The following IMPDH1 variants were observed in gnomAD, a reference collection of about 807,000 sequenced individuals.
IMPDH1 encodes the protein inosine-5'-monophosphate dehydrogenase 1.
Under a neutral mutation model 73.5 loss-of-function variants are expected in IMPDH1, and 41 were observed. The ratio of observed to expected loss-of-function variants is 0.56; its 90% CI spans 0.43 to 0.72. The LOEUF (loss-of-function observed/expected upper bound fraction) is 0.72, where lower values mean the gene tolerates loss of function less well. Ranked by LOEUF, IMPDH1 falls within the 30% of genes least tolerant of loss-of-function variation. The pLI is 0.00. For synonymous variants in IMPDH1, 318 were observed against 334.3 expected (o/e 0.95, Z 0.53); for missense variants, 645 against 824.8 (o/e 0.78, Z 2.67).
In IMPDH1 at chr7:128,405,902, C is replaced by G. The variant is rs1798702991; in HGVS notation, c.255-37G>C. ...CCCCGCGACCCGACATAAACACCCG[C>G]GCGGCCGCCCGCCGCTGCCGCCGCT... is the stretch of plus-strand genomic sequence containing the variant. On this transcript the variant is annotated intron_variant, in intron 3 of 16. Transcript: ENST00000338791. 3 of 1,469,692 alleles carry G rather than the reference C, an allele frequency of 2.0e-6. No individual in the cohort carries two copies. The East Asian group carries it at 8.9e-5, about 44-fold the overall frequency. 91.0% of individuals were successfully genotyped at this position (1,469,692 alleles called of 1,614,324 possible). A position where few individuals can be genotyped will look rare whatever the true frequency, so the allele number is the denominator to read the frequency against.
At position 128,409,977 on chromosome 7, in the gene IMPDH1, T is replaced by G. The variant is rs1249810133; in HGVS notation, c.-76A>C. 4.0e-6 allele frequency: 5 copies of G among 1,251,124 alleles called. No homozygotes were observed. In the African/African-American group the frequency reaches 4.7e-5, roughly 12 times the overall value. 77.5% of individuals were successfully genotyped at this position (1,251,124 alleles called of 1,614,324 possible). On this transcript the variant is annotated 5_prime_UTR_variant, in exon 1 of 17. Coordinates refer to ENST00000338791, the MANE Select transcript of IMPDH1 (RefSeq NM_000883.4). ...CGGCTGGGCAGTGAGCGCAGCCCGG[T>G]CGAGTCCCGAGGAGGGGCGGGGCCG...
chr7:128,405,681 C>A (rs2116714949), intron 4 of IMPDH1, 86 bp downstream of exon 4: 1 of 1,471,654 alleles, frequency 6.8e-7, no homozygotes, highest in South Asian at 1.3e-5. Context: ...GCAGGGAACG[C>A]CGGGGGAGCC....
chr7:128,405,541 C>T (rs920397121), intron 4 of IMPDH1, among the ~76,000 whole-genome samples: 1 of 152,212 alleles, frequency 6.6e-6, no homozygotes, highest in Admixed American at 6.5e-5. Flanking sequence ...AGGCCGAACC[C>T]GGATCTGGCC....
rs147882304 is a variant in IMPDH1 at position 128,394,497 on chromosome 7, G to A, written c.1653C>T (p.His551=). The change falls in exon 15 of 17, where the codon CAC becomes CAT. Residue 551 remains histidine, a synonymous_variant. Coordinates refer to ENST00000338791, the MANE Select transcript of IMPDH1 (RefSeq NM_000883.4). This position sits in a 1 kb window ranked among gnomAD's most constrained non-coding sequence, Gnocchi z 5.5. ...TGCGGGCCCCGATATCCTGGCAGCC[G>A]TGTTGGATGCCTGCTATGAGGTAGG... The part of the protein sequence containing the change: ...FVPYLIAGIQ[H]GCQDIGARSL... 3.8e-5 allele frequency: 62 copies of A among 1,613,970 alleles called. No individual in the cohort carries two copies. The African/African-American group carries it at 5.9e-4, about 15-fold the overall frequency.
Position 128,409,761 on chromosome 7 carries a change from G to A in IMPDH1, c.141C>T (p.Pro47=). The change falls in exon 1 of 17, where the codon CCC becomes CCT. Residue 47 remains proline, a synonymous_variant. Coordinates refer to ENST00000338791, the MANE Select transcript of IMPDH1 (RefSeq NM_000883.4). ...SARLLQAGYE[P]ESPRLDLATH... The stretch of plus-strand genomic sequence containing the variant: ...CGCTCTGCCCTGGGCGTCACCTCTC[G>A]GGCTCGTAGCCGGCCTGCAGCAGTC... 1 of 1,522,928 alleles carries A rather than the reference G, an allele frequency of 6.6e-7. No homozygotes were observed. Among genetic ancestry groups the A allele is most frequent in the Non-Finnish European group, 8.8e-7 (1 of 1,141,442 alleles). 94.3% of individuals were successfully genotyped at this position (1,522,928 alleles called of 1,614,324 possible).
chr7:128,398,616 G>A lies in IMPDH1; in HGVS notation c.875-3C>T, dbSNP rs770240786. ...ATCATTGACGATAGGCAGCTTCCCT[G>A]ACAAGGAATGCAGGGGTGAAATGAA... On this transcript the variant is annotated splice_polypyrimidine_tract_variant and splice_region_variant and intron_variant, in intron 9 of 16. Coordinates refer to ENST00000338791, the MANE Select transcript of IMPDH1 (RefSeq NM_000883.4). The surrounding 1 kb of genome is among the most constrained non-coding windows in gnomAD (Gnocchi z 4.3). The A allele has an allele frequency of 1.2e-6, 2 of 1,611,990 alleles. No individual in the cohort carries two copies. The highest frequency in any genetic ancestry group is 1.1e-5 in the South Asian group (1 of 91,008).
intron 9 of IMPDH1, among the ~76,000 whole-genome samples, chr7:128,399,864 C>T (rs573587605): frequency 9.9e-5 from 15 of 152,254 alleles, no homozygotes; most frequent in Middle Eastern, 3.4e-3. Flanking sequence ...TGATGAGCAT[C>T]GCATAGGACT....
Position 128,396,382 on chromosome 7 carries a change from T to C in IMPDH1, c.1261+218A>G, listed in dbSNP as rs930516640. Reference sequence around the variant, plus strand: ...GCCCCAAGCCCCAGGCAGAGCCCCCTTGACCGCACTCTGAGAAGCAGGCTG... The same window carrying C: ...GCCCCAAGCCCCAGGCAGAGCCCCCCTGACCGCACTCTGAGAAGCAGGCTG... On this transcript the variant is annotated intron_variant, in intron 12 of 16. Transcript: ENST00000338791. This position sits in a 1 kb window ranked among gnomAD's most constrained non-coding sequence, Gnocchi z 4.0. 3.9e-5 allele frequency among the ~76,000 whole-genome samples: 6 copies of C among 152,166 alleles called. No individual in the cohort carries two copies. Among genetic ancestry groups the C allele is most frequent in the African/African-American group, 1.4e-4 (6 of 41,426 alleles).
intron 1 of IMPDH1, 29 bp from the exon 2 acceptor site, chr7:128,409,513 C>G: frequency 6.2e-7 from 1 of 1,613,246 alleles, no homozygotes; most frequent in East Asian, 2.2e-5. Flanking sequence ...TTTTTACGAC[C>G]TGTTCCCTCT....
rs1032502368 is a variant in IMPDH1, at chr7:128,400,351, G to A, written c.768C>T (p.His256=). 9 of 1,613,444 alleles carry A rather than the reference G, an allele frequency of 5.6e-6. No homozygotes were observed. The highest frequency in any genetic ancestry group is 6.8e-6 in the Non-Finnish European group (8 of 1,179,654). The change falls in exon 8 of 17, where the codon CAC becomes CAT. Residue 256 remains histidine (H), a synonymous_variant. Transcript: ENST00000338791. The part of the protein sequence containing the change: ...RDIDFLAEKD[H]TTLLSEVMTP... ...CAGGTACCTCACTGAGGAGGGTGGT[G>A]TGGTCCTTCTCAGCAAGAAAGTCGA...
In IMPDH1 at chr7:128,409,816, T is replaced by C; in HGVS notation, c.86A>G (p.His29Arg). 1 of 1,497,778 alleles carries C rather than the reference T, an allele frequency of 6.7e-7. No homozygotes were observed. Among genetic ancestry groups the C allele is most frequent in the Non-Finnish European group, 8.8e-7 (1 of 1,131,038 alleles). The allele number at this position is 1,497,778 out of a possible 1,614,324, so 92.8% of individuals were successfully genotyped here. ...PEPGARQHPG[H>R]ETAAQRYSAR... ...GCTGTACCGCTGCGCCGCCGTCTCG[T>C]GTCCCGGGTGTTGCCGGGCTCCGGG... is the stretch of plus-strand genomic sequence containing the variant. The change falls in exon 1 of 17, where the codon CAC becomes CGC. Residue 29 changes from histidine to arginine, a missense_variant. Coordinates refer to ENST00000338791, the MANE Select transcript of IMPDH1 (RefSeq NM_000883.4).
Position 128,409,951 on chromosome 7 carries a change from C to T in IMPDH1, c.-50G>A, listed in dbSNP as rs1441464578. On this transcript the variant is annotated 5_prime_UTR_variant, in exon 1 of 17. Transcript: ENST00000338791. ...CGGGAGCCTGGAGGCTCCCGGGGCC[C>T]CGGCTGGGCAGTGAGCGCAGCCCGG... 7.6e-7 allele frequency: 1 copy of T among 1,318,826 alleles called. No homozygotes were observed. Among genetic ancestry groups the T allele is most frequent in the Admixed American group, 4.2e-5 (1 of 24,044 alleles). The allele number at this position is 1,318,826 out of a possible 1,614,324, so 81.7% of individuals were successfully genotyped here.
intron 3 of IMPDH1, 72 bp from the exon 4 acceptor site, chr7:128,405,937 G>A (rs1208419535): frequency 8.8e-6 from 12 of 1,368,846 alleles, no homozygotes; most frequent in East Asian, 3.7e-5. Context: ...TGCTGCTGCT[G>A]CTACTGCTGA....
At chr7:128,405,612 G>T (rs74642494) in intron 4 of IMPDH1, among the ~76,000 whole-genome samples, 155 bp downstream of exon 4, 1 of 152,170 alleles carries the variant, frequency 6.6e-6, no homozygotes, top group Non-Finnish European at 1.5e-5. Flanking sequence ...CTGCTCCGGC[G>T]CGGGCCTCCT....
chr7:128,400,824 T>C lies in IMPDH1; in HGVS notation c.572A>G (p.Lys191Arg). 2 of 1,614,066 alleles carry C rather than the reference T, an allele frequency of 1.2e-6. No individual in the cohort carries two copies. Among genetic ancestry groups the C allele is most frequent in the Non-Finnish European group, 1.7e-6 (2 of 1,179,934 alleles). Residue 191 changes from lysine (K) to arginine (R), a missense_variant, in exon 7 of 17, where the codon AAG (lysine) becomes AGG (arginine). Physicochemically the swap from Lys to Arg is conservative, Grantham distance 26. Coordinates refer to ENST00000338791, the MANE Select transcript of IMPDH1 (RefSeq NM_000883.4). ...TPEFQANEVRKVKKFEQGFIT... is the reference protein window; with the variant it reads ...TPEFQANEVRRVKKFEQGFIT... The stretch of plus-strand genomic sequence containing the variant: ...GACAGGCCTGGTACTTGCCTTGACC[T>C]TCCGCACCTCGTTGGCCTGGAACTC...
intron 9 of IMPDH1, among the ~76,000 whole-genome samples, chr7:128,399,414 C>T (rs962915559): frequency 1.4e-5 from 2 of 148,108 alleles, no homozygotes; most frequent in South Asian, 2.2e-4. Context: ...TGGTGGTTCA[C>T]GCCTGTAATT....
At position 128,409,543 on chromosome 7, in the gene IMPDH1, C is replaced by G. The variant is rs933538364; in HGVS notation, c.147-59G>C. ...CCCTCTCCTCCGCTCCCCCGTGCAACGAAGCACCTAACCCTTCGCACAGTG... is the reference window on the plus strand; with the variant it reads ...CCCTCTCCTCCGCTCCCCCGTGCAAGGAAGCACCTAACCCTTCGCACAGTG... On this transcript the variant is annotated intron_variant, in intron 1 of 16. Coordinates refer to ENST00000338791, the MANE Select transcript of IMPDH1 (RefSeq NM_000883.4). 7.5e-6 allele frequency: 12 copies of G among 1,592,946 alleles called. No individual in the cohort carries two copies. The African/African-American group carries it at 1.2e-4, about 16-fold the overall frequency.
chr7:128,406,689 G>A (rs1038244968), intron 3 of IMPDH1, among the ~76,000 whole-genome samples: 4 of 152,112 alleles, frequency 2.6e-5, no homozygotes, highest in African/African-American at 4.8e-5. Flanking sequence ...TCTATAGTTC[G>A]GAAAGGAAGG....
At chr7:128,409,170 C>T (rs1325247024) in intron 3 of IMPDH1, 119 bp downstream of exon 3, 4 of 882,430 alleles carry the variant, frequency 4.5e-6, no homozygotes, top group East Asian at 5.3e-5. Context: ...CCTCCAGTGT[C>T]CCTCATTCCC....
Sources: allele counts gnomAD v4.1 joint callset (sites outside exome capture counted in the v4.1 genomes callset), GRCh38; gene constraint gnomAD v4.1.1; non-coding constraint Gnocchi (gnomAD v3.1); transcripts MANE v1.5; gene names NCBI Gene and HGNC (gene_info 2026-07-23, HGNC 2026-07-21).